PPP6R2: variants seen among roughly 807,000 people sequenced by gnomAD.
PPP6R2 encodes the protein serine/threonine-protein phosphatase 6 regulatory subunit 2.
A neutral mutation model predicts 100.2 loss-of-function variants in PPP6R2; 62 were observed. The ratio of observed to expected loss-of-function variants is 0.62; its 90% confidence interval spans 0.50 to 0.76. The LOEUF (loss-of-function observed/expected upper bound fraction) is 0.76. Ranked by LOEUF, PPP6R2 falls within the 30% of genes least tolerant of loss-of-function variation. The pLI is 0.00. For missense variants in PPP6R2, 1,142 were observed against 1,276.3 expected, an observed-to-expected ratio of 0.89 and a Z score of 1.60; for synonymous variants, 525 against 514.7, an observed-to-expected ratio of 1.02 and a Z score of -0.27.
upstream of PPP6R2, among the ~76,000 whole-genome samples, chr22:50,341,635 T>C (rs1173047663): frequency 1.3e-5 from 2 of 152,202 alleles, no homozygotes; most frequent in Non-Finnish European, 2.9e-5. Flanking sequence ...AAACTGGTTT[T>C]GAACCAGAAT....
intron 4 of PPP6R2, among the ~76,000 whole-genome samples, chr22:50,409,512 C>T (rs956355865): frequency 6.6e-6 from 1 of 152,168 alleles, no homozygotes; most frequent in African/African-American, 2.4e-5. Flanking sequence ...ACCACAACCT[C>T]CGCCTCCCGG....
chr22:50,346,935 CCCTT>C (rs2043909125), intron 1 of PPP6R2, among the ~76,000 whole-genome samples: 1 of 151,738 alleles, frequency 6.6e-6, no homozygotes, highest in South Asian at 2.1e-4. Flanking sequence ...CCTGCCAGTG[CCCTT>C]CCTTGTCAGT....
At chr22:50,397,939 C>T (rs111822656) in intron 3 of PPP6R2, among the ~76,000 whole-genome samples, 1,101 of 57,186 alleles carry the variant, frequency 0.019, 1 homozygote, top group South Asian at 0.03. Context: ...CATCTCTGAG[C>T]TTTTCTCTGA....
At chr22:50,388,870 C>CAA (rs536065682) in intron 2 of PPP6R2, 4 of 113,228 alleles carry the variant, frequency 3.5e-5, no homozygotes, top group Admixed American at 9.6e-5. Flanking sequence ...GACTCCATCT[C>CAA]AAAAAAAAAA....
chr22:50,354,032 C>T (rs779652015), intron 1 of PPP6R2, among the ~76,000 whole-genome samples: 10 of 152,222 alleles, frequency 6.6e-5, no homozygotes, highest in South Asian at 2.1e-4. Flanking sequence ...AGGCCGGGCG[C>T]GGTGGCTCAT....
intron 2 of PPP6R2, among the ~76,000 whole-genome samples, chr22:50,381,006 T>G (rs1186856788): frequency 7.7e-6 from 1 of 129,854 alleles, no homozygotes; most frequent in Non-Finnish European, 1.6e-5. Context: ...AAAAAAAAAT[T>G]AGCTGGGCGA....
chr22:50,387,218 T>C (rs2054436768), intron 2 of PPP6R2, among the ~76,000 whole-genome samples: 1 of 152,024 alleles, frequency 6.6e-6, no homozygotes, highest in Non-Finnish European at 1.5e-5. Context: ...CACACCACCA[T>C]GCCCAGCTAG....
intron 2 of PPP6R2, among the ~76,000 whole-genome samples, chr22:50,374,407 A>C (rs2050975982): frequency 6.6e-6 from 1 of 152,194 alleles, no homozygotes; most frequent in African/African-American, 2.4e-5. Flanking sequence ...GGAATTGGTA[A>C]AGTGAAACAC....
chr22:50,414,263 G>A (rs184745526), intron 4 of PPP6R2, among the ~76,000 whole-genome samples: 1 of 146,690 alleles, frequency 6.8e-6, no homozygotes, highest in African/African-American at 2.5e-5. Flanking sequence ...GCTCACGGCA[G>A]CCTGTGCTGC....
intron 15 of PPP6R2, 131 bp downstream of exon 15, chr22:50,437,199 T>A: frequency 1.1e-6 from 1 of 930,912 alleles, no homozygotes; most frequent in Non-Finnish European, 1.7e-6. Flanking sequence ...TCCGAGCACG[T>A]ATGGGGCGGG....
At chr22:50,359,776 T>C (rs1292769670) in intron 1 of PPP6R2, among the ~76,000 whole-genome samples, 2 of 152,150 alleles carry the variant, frequency 1.3e-5, no homozygotes, top group Admixed American at 6.6e-5. Flanking sequence ...TTAAGAAATA[T>C]TTGTGTGTGA....
At chr22:50,408,457 C>T (rs1443315739) in intron 4 of PPP6R2, among the ~76,000 whole-genome samples, 1 of 152,150 alleles carries the variant, frequency 6.6e-6, no homozygotes. Flanking sequence ...CGCCAGGGGA[C>T]TGCCTCACCT....
the PPP6R2 span, among the ~76,000 whole-genome samples, chr22:50,335,341 G>A: frequency 2.6e-5 from 4 of 151,358 alleles, 1 homozygote; most frequent in African/African-American, 9.7e-5. Context: ...GGGATTACAG[G>A]TGTGAGCCAC....
At chr22:50,366,979 T>A (rs1209328234) in intron 1 of PPP6R2, among the ~76,000 whole-genome samples, 1 of 150,246 alleles carries the variant, frequency 6.7e-6, no homozygotes, top group East Asian at 2.0e-4. Context: ...TGCTTCCCTA[T>A]GTTTTCTTTT....
At chr22:50,352,880 A>G (rs1263978823) in intron 1 of PPP6R2, among the ~76,000 whole-genome samples, 4 of 152,016 alleles carry the variant, frequency 2.6e-5, no homozygotes, top group African/African-American at 9.7e-5. Flanking sequence ...CAACCTGAGT[A>G]ATACAGTGAA....
intron 3 of PPP6R2, among the ~76,000 whole-genome samples, chr22:50,400,782 A>C (rs189982355): frequency 2.6e-5 from 4 of 152,336 alleles, no homozygotes; most frequent in Non-Finnish European, 5.9e-5. Flanking sequence ...TGAGGTCAAC[A>C]GTGGATATCC....
upstream of PPP6R2, among the ~76,000 whole-genome samples, chr22:50,340,231 ATGTGGTGTG>A (rs1194738868): frequency 5.7e-3 from 229 of 40,266 alleles, 11 homozygotes; most frequent in East Asian, 0.12. Flanking sequence ...TGTGTATGGT[ATGTGGTGTG>A]TGTGGTGTGT....
chr22:50,361,503 TCTTA>T (rs1032139969), intron 1 of PPP6R2, among the ~76,000 whole-genome samples: 11 of 152,232 alleles, frequency 7.2e-5, no homozygotes, highest in South Asian at 2.1e-4. Flanking sequence ...GTTTGTTGGC[TCTTA>T]CTTCTTCTGT....
At chr22:50,342,382 C>G (rs1340685665), upstream of PPP6R2, among the ~76,000 whole-genome samples, 1 of 152,202 alleles carries the variant, frequency 6.6e-6, no homozygotes, top group Non-Finnish European at 1.5e-5. Context: ...ATAAAACCGG[C>G]GAGGAGGGTG....
Sources: allele counts gnomAD v4.1 joint callset (sites outside exome capture counted in the v4.1 genomes callset), GRCh38; gene constraint gnomAD v4.1.1; transcripts MANE v1.5; gene names NCBI Gene and HGNC (gene_info 2026-07-23, HGNC 2026-07-21).